The following GABPB1 variants were observed in gnomAD, a reference collection of about 807,000 sequenced individuals.
GABPB1 encodes GA binding protein transcription factor subunit beta 1, also known as GA-binding protein subunit beta-1.
A neutral mutation model predicts 45.9 loss-of-function variants in GABPB1; 15 were observed. The ratio of observed to expected loss-of-function variants is 0.33; its 90% CI spans 0.22 to 0.50. The LOEUF (loss-of-function observed/expected upper bound fraction) is 0.50. GABPB1 is among the 20% of genes least tolerant of loss of function. GABPB1 has a pLI of 0.98. For synonymous variants in GABPB1, 143 were observed against 154.4 expected (o/e 0.93, Z 0.55); for missense variants, 252 against 457.5 (o/e 0.55, Z 4.10).
intron 1 of GABPB1, among the ~76,000 whole-genome samples, chr15:50,331,175 A>G (rs932420714): frequency 6.6e-6 from 1 of 152,230 alleles, no homozygotes; most frequent in Non-Finnish European, 1.5e-5. Flanking sequence ...ACCTCTGCCT[A>G]CTACTGAATA....
chr15:50,348,919 G>A (rs1187904011), intron 1 of GABPB1: 2 of 151,930 alleles, frequency 1.3e-5, no homozygotes, highest in Non-Finnish European at 2.9e-5. Context: ...TTAAATCAAA[G>A]GAGATGGAGG....
chr15:50,287,816 G>A (rs909360649), intron 7 of GABPB1, among the ~76,000 whole-genome samples: 5 of 152,326 alleles, frequency 3.3e-5, no homozygotes, highest in East Asian at 1.9e-4. Context: ...TTTCAGACCA[G>A]CTATCAGCAG....
At chr15:50,286,719 T>C (rs2046169325) in intron 7 of GABPB1, among the ~76,000 whole-genome samples, 1 of 152,188 alleles carries the variant, frequency 6.6e-6, no homozygotes, top group Admixed American at 6.5e-5. Context: ...ACTAAGTGCA[T>C]ATTCCATTAT....
rs1258853935 is a variant in GABPB1 at position 50,277,523 on chromosome 15, T to C, written c.*1109A>G. ...ACAATATTGTGATGAGAGCAAGTCA[T>C]AGCACAGACACTGAGCTTTCAAAAG... On this transcript the variant is annotated 3_prime_UTR_variant, in exon 9 of 9. Transcript: ENST00000380877. 6.6e-6 allele frequency: 1 copy of C among 151,950 alleles called. No individual in the cohort carries two copies. Among genetic ancestry groups the C allele is most frequent in the Non-Finnish European group, 1.5e-5 (1 of 67,986 alleles). The allele number at this position is 151,950 out of a possible 1,614,324, so 9.4% of individuals were successfully genotyped here.
In GABPB1 at chr15:50,283,593, C is replaced by T. The variant is rs540971390; in HGVS notation, c.999+2475G>A. ...TGGCATAATCTCGGCTCACTGCAAC[C>T]TCCATCTCCCGGGTTCAAGCAACTC... On this transcript the variant is annotated intron_variant, in intron 8 of 8. Coordinates refer to ENST00000380877, the MANE Select transcript of GABPB1 (RefSeq NM_016654.5). Among the ~76,000 whole-genome samples the T allele has an allele frequency of 1.4e-3, 207 of 152,162 alleles. 1 individual carries two copies. Among genetic ancestry groups the T allele is most frequent in the Non-Finnish European group, 2.2e-3 (147 of 67,994 alleles).
intron 1 of GABPB1, among the ~76,000 whole-genome samples, chr15:50,315,327 T>C (rs886398303): frequency 1.3e-5 from 2 of 152,144 alleles, no homozygotes; most frequent in Non-Finnish European, 2.9e-5. Context: ...AAATGGGTTT[T>C]TGCCATGTTG....
intron 1 of GABPB1, among the ~76,000 whole-genome samples, chr15:50,320,057 C>A (rs141648578): frequency 2.6e-5 from 4 of 152,278 alleles, no homozygotes; most frequent in African/African-American, 9.6e-5. Flanking sequence ...ACAAAGGGGT[C>A]AGGCGGGTGG....
rs1226866158 is a variant in GABPB1, at chr15:50,300,892, A to G, written c.594T>C (p.Gly198=). 6.3e-7 allele frequency: 1 copy of G among 1,593,656 alleles called. No homozygotes were observed. Among genetic ancestry groups the G allele is most frequent in the Non-Finnish European group, 8.6e-7 (1 of 1,162,064 alleles). ...GGVVNLTDET[G]VSAVQFGNSS... Reference sequence around the variant, plus strand: ...AGTTTCCAAACTGAACAGCAGATACACCCGTTTCATCTGTAAGAAAAAAGA... The same window carrying G: ...AGTTTCCAAACTGAACAGCAGATACGCCCGTTTCATCTGTAAGAAAAAAGA... Residue 198 remains glycine, a synonymous_variant, in exon 6 of 9, where the codon GGT becomes GGC. Coordinates refer to ENST00000380877, the MANE Select transcript of GABPB1 (RefSeq NM_016654.5).
chr15:50,279,473 C>T (rs996444770), intron 8 of GABPB1, among the ~76,000 whole-genome samples: 1 of 106,888 alleles, frequency 9.4e-6, no homozygotes, highest in Non-Finnish European at 2.5e-5. Flanking sequence ...ACTAAATTAT[C>T]AATGATTAAA....
intron 1 of GABPB1, among the ~76,000 whole-genome samples, chr15:50,322,383 CAA>C (rs71424054): frequency 4.0e-4 from 58 of 146,206 alleles, no homozygotes; most frequent in Admixed American, 4.7e-4. Flanking sequence ...GTGAAAAATA[CAA>C]AAAAAAAAAA....
chr15:50,285,217 C>G (rs2046113366), intron 8 of GABPB1, among the ~76,000 whole-genome samples: 1 of 152,050 alleles, frequency 6.6e-6, no homozygotes, highest in Non-Finnish European at 1.5e-5. Flanking sequence ...CTGACTTTTT[C>G]AATTCTCACA....
At chr15:50,306,626 CAAAAAAAA>C (rs34344784) in intron 2 of GABPB1, among the ~76,000 whole-genome samples, 2 of 84,430 alleles carry the variant, frequency 2.4e-5, no homozygotes, top group Non-Finnish European at 4.8e-5. Context: ...AACTCTGTCT[CAAAAAAAA>C]AAAAAAAAAA....
At chr15:50,317,590 G>C (rs2047385233) in intron 1 of GABPB1, among the ~76,000 whole-genome samples, 1 of 151,596 alleles carries the variant, frequency 6.6e-6, no homozygotes, top group Non-Finnish European at 1.5e-5. Context: ...TTACAGATAA[G>C]CTTAATAAAG....
chr15:50,317,109 C>G (rs1314775151), intron 1 of GABPB1, among the ~76,000 whole-genome samples: 3 of 152,028 alleles, frequency 2.0e-5, no homozygotes, highest in Non-Finnish European at 4.4e-5. Context: ...TAGAAAAACA[C>G]TTGGAGCCGA....
intron 6 of GABPB1, among the ~76,000 whole-genome samples, chr15:50,298,857 CAGG>C (rs1322696527): frequency 1.3e-5 from 2 of 149,080 alleles, no homozygotes; most frequent in Non-Finnish European, 2.9e-5. Flanking sequence ...GAGGCTGAGG[CAGG>C]AGAACTGCTT....
intron 8 of GABPB1, 149 bp downstream of exon 8, chr15:50,285,919 T>C: frequency 2.8e-6 from 4 of 1,411,434 alleles, no homozygotes; most frequent in African/African-American, 1.5e-5. Flanking sequence ...GCTTGCTATA[T>C]GTATAAGGCA....
intron 1 of GABPB1, among the ~76,000 whole-genome samples, chr15:50,323,408 C>CT (rs1473570997): frequency 1.3e-5 from 2 of 152,146 alleles, no homozygotes; most frequent in African/African-American, 4.8e-5. Flanking sequence ...CATACATGCC[C>CT]TTTATTTATC....
chr15:50,294,593 C>G (rs1311107873), intron 6 of GABPB1, among the ~76,000 whole-genome samples: 2 of 152,186 alleles, frequency 1.3e-5, no homozygotes, highest in African/African-American at 4.8e-5. Context: ...ATTATGGTGG[C>G]AGTTTAACCT....
At position 50,281,453 on chromosome 15, in the gene GABPB1, T is replaced by C. The variant is rs574952047; in HGVS notation, c.1000-2669A>G. On this transcript the variant is annotated intron_variant, in intron 8 of 8. Transcript: ENST00000380877. ...GTCTCAATCTCCTGACCTCGTGATCTGCCCGCCTTGGCCTCCCAAAGTGCT... is the reference window on the plus strand; with the variant it reads ...GTCTCAATCTCCTGACCTCGTGATCCGCCCGCCTTGGCCTCCCAAAGTGCT... Among the ~76,000 whole-genome samples, 1,184 of 152,290 alleles carry C rather than the reference T, an allele frequency of 7.8e-3. 12 individuals are homozygous for C. The highest frequency in any genetic ancestry group is 0.026 in the African/African-American group (1,060 of 41,560).
Sources: gnomAD v4.1 joint callset for allele counts (sites outside exome capture counted in the v4.1 genomes callset) on GRCh38, gnomAD v4.1.1 for gene constraint, MANE v1.5 for transcripts, NCBI Gene and HGNC (gene_info 2026-07-23, HGNC 2026-07-21) for gene names.